PCDH11X: variants seen among roughly 807,000 people sequenced by gnomAD.
PCDH11X encodes the protein protocadherin 11 X-linked.
A neutral mutation model predicts 53.3 loss-of-function variants in PCDH11X; 18 were observed. The observed-to-expected ratio is 0.34, with a 90% CI of 0.23 to 0.50. The LOEUF (loss-of-function observed/expected upper bound fraction) is 0.50. Ranked by LOEUF, PCDH11X falls within the 20% of genes least tolerant of loss-of-function variation. The probability of loss-of-function intolerance (pLI) is 0.98; values close to 1 mark genes in which losing one functional copy is unlikely to be tolerated. For missense variants in PCDH11X, 570 were observed against 1,032.4 expected (o/e 0.55, Z 6.14); for synonymous variants, 279 against 393.3 (o/e 0.71, Z 3.44).
At chrX:92,338,790 G>A (rs1169619690) in intron 8 of PCDH11X, among the ~76,000 whole-genome samples, 1 of 111,641 alleles carries the variant, frequency 9.0e-6, no homozygotes, top group African/African-American at 3.3e-5. Flanking sequence ...CTGAAGCTCA[G>A]GTATCAGAGA....
At chrX:92,405,939 C>G (rs2071498605) in intron 9 of PCDH11X, among the ~76,000 whole-genome samples, 1 of 109,115 alleles carries the variant, frequency 9.2e-6, no homozygotes, top group South Asian at 4.0e-4. Context: ...CTAAAAAATA[C>G]AAAAAATTAG....
chrX:92,357,787 A>C (rs2148535443), intron 8 of PCDH11X, among the ~76,000 whole-genome samples: 1 of 111,939 alleles, frequency 8.9e-6, no homozygotes, highest in South Asian at 3.7e-4. Flanking sequence ...CATTAAGTAT[A>C]AATCTATTTT....
chrX:92,251,848 T>C (rs965652177), intron 7 of PCDH11X, among the ~76,000 whole-genome samples: 4 of 110,888 alleles, frequency 3.6e-5, no homozygotes, highest in African/African-American at 1.3e-4. Context: ...ATCATACAGC[T>C]ACTTGTGTGT....
intron 6 of PCDH11X, among the ~76,000 whole-genome samples, chrX:91,940,558 T>G (rs1289925560): frequency 9.0e-6 from 1 of 110,781 alleles, no homozygotes; most frequent in Non-Finnish European, 1.9e-5. Flanking sequence ...GAAAACAGGA[T>G]CTCACTCTGT....
intron 4 of PCDH11X, among the ~76,000 whole-genome samples, chrX:91,824,865 CT>C (rs1293348358): frequency 6.5e-5 from 7 of 107,266 alleles, no homozygotes; most frequent in Non-Finnish European, 5.7e-5. Flanking sequence ...TGTGGATGTC[CT>C]TTCTGTTTGT....
At chrX:92,115,597 C>T (rs1025972795) in intron 6 of PCDH11X, among the ~76,000 whole-genome samples, 3 of 110,582 alleles carry the variant, frequency 2.7e-5, no homozygotes, top group Non-Finnish European at 5.7e-5. Context: ...AGTCCCAAAA[C>T]CTCGAAAGTA....
chrX:91,845,999 T>G (rs1937630500), intron 5 of PCDH11X, among the ~76,000 whole-genome samples: 1 of 111,589 alleles, frequency 9.0e-6, no homozygotes, highest in Admixed American at 9.6e-5. Context: ...TTGTGGATGT[T>G]TTGTAAATTG....
intron 9 of PCDH11X, among the ~76,000 whole-genome samples, chrX:92,388,760 A>G (rs2071065117): frequency 9.3e-6 from 1 of 107,968 alleles, no homozygotes; most frequent in African/African-American, 3.4e-5. Flanking sequence ...TCATAGCCAT[A>G]AACCAATATG....
intron 8 of PCDH11X, among the ~76,000 whole-genome samples, chrX:92,369,902 T>C (rs1173893154): frequency 9.3e-6 from 1 of 107,691 alleles, no homozygotes; most frequent in Non-Finnish European, 1.9e-5. Context: ...TCCTTCTGTG[T>C]TGGTCTCGCT....
At chrX:92,205,889 C>T (rs747499946) in intron 7 of PCDH11X, among the ~76,000 whole-genome samples, 1 of 111,715 alleles carries the variant, frequency 9.0e-6, no homozygotes, top group Non-Finnish European at 1.9e-5. Context: ...GCATGAGCTA[C>T]TGCACCTAGG....
intron 10 of PCDH11X, among the ~76,000 whole-genome samples, chrX:92,519,342 C>T (rs1283136698): frequency 9.2e-6 from 1 of 108,169 alleles, no homozygotes; most frequent in Non-Finnish European, 1.9e-5. Context: ...TTTATTATCT[C>T]TATCAAAACA....
chrX:91,792,736 G>C (rs1428684212), intron 1 of PCDH11X, among the ~76,000 whole-genome samples: 1 of 111,605 alleles, frequency 9.0e-6, no homozygotes, highest in East Asian at 2.8e-4. Context: ...TCATGATTCA[G>C]AGAAATGGAA....
intron 6 of PCDH11X, among the ~76,000 whole-genome samples, chrX:91,902,136 G>T (rs1360872384): frequency 9.0e-6 from 1 of 111,522 alleles, no homozygotes; most frequent in African/African-American, 3.3e-5. Flanking sequence ...ACAAATGAAA[G>T]AAATTTTTAT....
intron 7 of PCDH11X, among the ~76,000 whole-genome samples, chrX:92,255,602 T>C (rs12559995): frequency 0.11 from 11,510 of 106,467 alleles, 1,142 homozygotes; most frequent in African/African-American, 0.29. Flanking sequence ...ATGATGGTGA[T>C]GTACAGATGG....
chrX:92,311,466 A>C (rs2068949052), intron 8 of PCDH11X, among the ~76,000 whole-genome samples: 1 of 111,369 alleles, frequency 9.0e-6, no homozygotes, highest in African/African-American at 3.3e-5. Context: ...GAGAGAAAAA[A>C]GCCCCCCAAA....
intron 6 of PCDH11X, among the ~76,000 whole-genome samples, chrX:92,096,434 G>A (rs2064135174): frequency 1.5e-5 from 1 of 66,173 alleles, no homozygotes; most frequent in Non-Finnish European, 2.9e-5. Context: ...TGGAGTGTAT[G>A]TGTATGTGTG....
At chrX:92,230,064 T>C (rs1041451658) in intron 7 of PCDH11X, among the ~76,000 whole-genome samples, 2 of 110,547 alleles carry the variant, frequency 1.8e-5, no homozygotes, top group African/African-American at 6.6e-5. Context: ...TTACAGTGGG[T>C]AATTAAAATC....
chrX:92,173,862 G>A (rs1318513758), intron 6 of PCDH11X, among the ~76,000 whole-genome samples: 1 of 105,625 alleles, frequency 9.5e-6, no homozygotes, highest in Non-Finnish European at 1.9e-5. Flanking sequence ...GTGCACACCT[G>A]TAGTCCTAGC....
intron 1 of PCDH11X, among the ~76,000 whole-genome samples, chrX:91,792,282 C>A (rs1260180603): frequency 1.8e-5 from 2 of 111,840 alleles, no homozygotes; most frequent in African/African-American, 6.5e-5. Context: ...GAAATAATTT[C>A]TTGGCCTGAT....
Sources: allele counts gnomAD v4.1 joint callset (sites outside exome capture counted in the v4.1 genomes callset), GRCh38; gene constraint gnomAD v4.1.1; transcripts MANE v1.5; gene names NCBI Gene and HGNC (gene_info 2026-07-23, HGNC 2026-07-21).